IQUB: variants seen among roughly 807,000 people sequenced by gnomAD.
The protein encoded by IQUB is IQ motif and ubiquitin-like domain-containing protein.
IQUB carries 86 observed loss-of-function variants against 86.4 expected under a neutral mutation model. That is an observed-to-expected ratio of 1.00 (90% CI 0.84 to 1.19). The LOEUF (loss-of-function observed/expected upper bound fraction) is 1.19. IQUB is among the 50% of genes most tolerant of loss of function. The probability of loss-of-function intolerance (pLI) is 0.00; values close to 1 mark genes in which losing one functional copy is unlikely to be tolerated. For synonymous variants in IQUB, 289 were observed against 304.5 expected (o/e 0.95, Z 0.53); for missense variants, 946 against 916.9 (o/e 1.03, Z -0.41).
chr7:123,478,078 T>G (rs1005814969), intron 8 of IQUB, among the ~76,000 whole-genome samples: 2 of 152,132 alleles, frequency 1.3e-5, no homozygotes, highest in African/African-American at 4.8e-5. Context: ...GACTTAGTGA[T>G]CCCATTAGTG....
At position 123,488,272 on chromosome 7, in the gene IQUB, C is replaced by T. The variant is rs140956359; in HGVS notation, c.1235-8302G>A. 1.3e-3 allele frequency among the ~76,000 whole-genome samples: 191 copies of T among 148,882 alleles called. 1 individual carries two copies. The highest frequency in any genetic ancestry group is 4.4e-3 in the African/African-American group (177 of 40,526). Reference sequence around the variant, plus strand: ...AGGAGAATGGTGTGAACCCAGGAGGCGGAGCTTCCAGTGAGCCAAGATCAC... The same window carrying T: ...AGGAGAATGGTGTGAACCCAGGAGGTGGAGCTTCCAGTGAGCCAAGATCAC... On this transcript the variant is annotated intron_variant, in intron 7 of 12. Transcript: ENST00000324698.
chr7:123,499,119 T>G (rs1795833504), intron 6 of IQUB, among the ~76,000 whole-genome samples: 1 of 150,464 alleles, frequency 6.6e-6, no homozygotes, highest in African/African-American at 2.4e-5. Context: ...CCTTTTTTTC[T>G]TTTTTTCTTT....
At chr7:123,481,458 G>T (rs1310679553) in intron 7 of IQUB, among the ~76,000 whole-genome samples, 4 of 151,996 alleles carry the variant, frequency 2.6e-5, no homozygotes, top group Admixed American at 2.6e-4. Flanking sequence ...AAAGAAATAT[G>T]AAAGACGGGA....
chr7:123,493,971 C>A (rs1053838413), intron 7 of IQUB, among the ~76,000 whole-genome samples: 1 of 151,956 alleles, frequency 6.6e-6, no homozygotes, highest in African/African-American at 2.4e-5. Context: ...CAACTACTCA[C>A]AACAGCAAGG....
intron 8 of IQUB, among the ~76,000 whole-genome samples, chr7:123,475,306 CA>C (rs965467228): frequency 1.3e-5 from 2 of 149,810 alleles, no homozygotes; most frequent in African/African-American, 4.9e-5. Flanking sequence ...AAAACAAACA[CA>C]AAAAAATAGA....
chr7:123,507,981 A>G (rs77599919), intron 3 of IQUB, among the ~76,000 whole-genome samples: 2,525 of 152,278 alleles, frequency 0.017, 68 homozygotes, highest in African/African-American at 0.057. Flanking sequence ...ATTACCTTAT[A>G]TGGCAAAAGT....
intron 12 of IQUB, among the ~76,000 whole-genome samples, chr7:123,456,082 G>T (rs565206978): frequency 5.5e-4 from 84 of 152,142 alleles, no homozygotes; most frequent in Middle Eastern, 6.8e-3. Context: ...TTAAAAGATT[G>T]TATCAGCCCA....
chr7:123,465,651 A>G (rs904374413), intron 9 of IQUB, among the ~76,000 whole-genome samples: 2 of 152,034 alleles, frequency 1.3e-5, no homozygotes, highest in Non-Finnish European at 2.9e-5. Flanking sequence ...CCAAGGGAAA[A>G]CTGGAAGATA....
intron 1 of IQUB, among the ~76,000 whole-genome samples, chr7:123,518,422 A>G (rs1796747495): frequency 6.6e-6 from 1 of 152,160 alleles, no homozygotes; most frequent in South Asian, 2.1e-4. Context: ...TACCTCTAAA[A>G]TAAAATGCTT....
chr7:123,526,160 G>GA (rs201571857), intron 1 of IQUB, among the ~76,000 whole-genome samples: 2 of 151,014 alleles, frequency 1.3e-5, no homozygotes, highest in African/African-American at 2.4e-5. Context: ...GTGTGGTGCT[G>GA]AAAAAAATGT....
intron 1 of IQUB, among the ~76,000 whole-genome samples, chr7:123,524,970 T>G (rs1226594903): frequency 6.6e-6 from 1 of 152,152 alleles, no homozygotes; most frequent in Non-Finnish European, 1.5e-5. Context: ...ATGTGGTTTT[T>G]GTCTTTGGTT....
chr7:123,509,818 T>C (rs2117248003), intron 3 of IQUB, 83 bp downstream of exon 3: 1 of 1,178,812 alleles, frequency 8.5e-7, no homozygotes, highest in Non-Finnish European at 1.2e-6. Context: ...CCAAGATATT[T>C]AGTTTTTAAA....
At position 123,502,726 on chromosome 7, in the gene IQUB, T is replaced by C. The variant is rs901348772; in HGVS notation, c.894A>G (p.Gln298=). 7 of 1,604,026 alleles carry C rather than the reference T, an allele frequency of 4.4e-6. No individual in the cohort carries two copies. Among genetic ancestry groups the C allele is most frequent in the East Asian group, 2.2e-5 (1 of 44,776 alleles). ...GTGTGGATGTTGTATTTGTAGTTTG[T>C]TGGAGATTTTTTTTCTGAAAAACTG... ...TQTVFQKKNL[Q]QTTNTTSTQM... is the part of the protein sequence containing the mutation. The change falls in exon 6 of 13, where the codon CAA becomes CAG. Residue 298 remains glutamine, a synonymous_variant. Transcript: ENST00000324698.
At chr7:123,453,312 G>GA (rs1479447113) in intron 12 of IQUB, among the ~76,000 whole-genome samples, 1 of 144,332 alleles carries the variant, frequency 6.9e-6, no homozygotes. Context: ...ATTGAGGTGA[G>GA]AAAAAACAAA....
intron 7 of IQUB, among the ~76,000 whole-genome samples, chr7:123,489,083 G>A (rs1293016224): frequency 6.6e-6 from 1 of 152,112 alleles, no homozygotes; most frequent in African/African-American, 2.4e-5. Flanking sequence ...ATTTATATAT[G>A]GTGATAGAAG....
chr7:123,489,848 T>C (rs1795380738), intron 7 of IQUB, among the ~76,000 whole-genome samples: 1 of 151,886 alleles, frequency 6.6e-6, no homozygotes. Context: ...TGGCTAAGAA[T>C]TATCCAGAAT....
At chr7:123,517,043 T>C (rs1198872739) in intron 1 of IQUB, among the ~76,000 whole-genome samples, 1 of 151,984 alleles carries the variant, frequency 6.6e-6, no homozygotes, top group African/African-American at 2.4e-5. Flanking sequence ...TGCCCCCAAA[T>C]CCCAGAGGAA....
intron 3 of IQUB, among the ~76,000 whole-genome samples, chr7:123,506,565 C>T (rs1445283628): frequency 6.6e-6 from 1 of 151,920 alleles, no homozygotes; most frequent in Non-Finnish European, 1.5e-5. Context: ...GGGAAGAGAG[C>T]AAAGGGGGAG....
At chr7:123,490,961 T>G (rs1584597732) in intron 7 of IQUB, among the ~76,000 whole-genome samples, 1 of 142,430 alleles carries the variant, frequency 7.0e-6, no homozygotes, top group South Asian at 2.2e-4. Flanking sequence ...CAAAACACCA[T>G]CTTGGAAAAA....
Sources: allele counts gnomAD v4.1 joint callset (sites outside exome capture counted in the v4.1 genomes callset), GRCh38; gene constraint gnomAD v4.1.1; transcripts MANE v1.5; gene names NCBI Gene and HGNC (gene_info 2026-07-23, HGNC 2026-07-21).